WWOX: variants seen among roughly 807,000 people sequenced by gnomAD.
WWOX encodes WW domain containing oxidoreductase.
WWOX carries 69 observed loss-of-function variants against 46.2 expected under a neutral mutation model. The observed-to-expected ratio is 1.49, with a 90% confidence interval of 1.23 to 1.82. The LOEUF (loss-of-function observed/expected upper bound fraction) is 1.82, where lower values mean the gene tolerates loss of function less well. Among genes scored for constraint, WWOX ranks in the 40% most tolerant of loss-of-function variants. The pLI is 0.00. For synonymous variants in WWOX, 359 were observed against 202.6 expected, an observed-to-expected ratio of 1.77 and a Z score of -6.56; for missense variants, 919 against 542.6, an observed-to-expected ratio of 1.69 and a Z score of -6.89.
At chr16:78,372,125 C>T (rs2081705171) in intron 5 of WWOX, among the ~76,000 whole-genome samples, 1 of 152,186 alleles carries the variant, frequency 6.6e-6, no homozygotes, top group South Asian at 2.1e-4. Flanking sequence ...CAAACTAAGG[C>T]ACAGGGATTT....
chr16:78,794,341 T>C (rs770720404), intron 8 of WWOX, among the ~76,000 whole-genome samples: 1 of 152,140 alleles, frequency 6.6e-6, no homozygotes, highest in African/African-American at 2.4e-5. Context: ...CAGGAGTCTC[T>C]CTCGGTCTGT....
intron 8 of WWOX, among the ~76,000 whole-genome samples, chr16:79,127,964 C>G (rs1172100961): frequency 6.6e-6 from 1 of 152,262 alleles, no homozygotes; most frequent in Non-Finnish European, 1.5e-5. Context: ...ACGCAAAGGC[C>G]TGGTCTGATA....
At chr16:78,822,912 T>G (rs1419597672) in intron 8 of WWOX, among the ~76,000 whole-genome samples, 1 of 147,890 alleles carries the variant, frequency 6.8e-6, no homozygotes, top group African/African-American at 2.5e-5. Context: ...AGGGGCTTGA[T>G]AAAGCCAAAA....
At chr16:79,023,524 G>T (rs2047576695) in intron 8 of WWOX, among the ~76,000 whole-genome samples, 1 of 152,136 alleles carries the variant, frequency 6.6e-6, no homozygotes, top group African/African-American at 2.4e-5. Flanking sequence ...TCATAGTGGG[G>T]CGTCCTTTAA....
chr16:78,840,273 C>T (rs1037947543), intron 8 of WWOX, among the ~76,000 whole-genome samples: 1 of 152,166 alleles, frequency 6.6e-6, no homozygotes, highest in African/African-American at 2.4e-5. Context: ...AAATCCTGAA[C>T]CTCTCTGTGC....
chr16:79,164,471 T>C (rs561972853), intron 8 of WWOX, among the ~76,000 whole-genome samples: 8 of 151,674 alleles, frequency 5.3e-5, no homozygotes, highest in Non-Finnish European at 1.2e-4. Flanking sequence ...ATGAAGGATG[T>C]TCATTCAGGC....
chr16:79,184,398 C>G (rs1365541943), intron 8 of WWOX, among the ~76,000 whole-genome samples: 4 of 152,190 alleles, frequency 2.6e-5, no homozygotes, highest in Admixed American at 6.5e-5. Context: ...GGGCAGAGAC[C>G]TGGAATAATC....
intron 8 of WWOX, among the ~76,000 whole-genome samples, chr16:78,667,381 A>T (rs930937340): frequency 2.0e-5 from 3 of 152,210 alleles, no homozygotes; most frequent in African/African-American, 7.2e-5. Context: ...AGAAAATTAA[A>T]AATGATATGA....
intron 8 of WWOX, among the ~76,000 whole-genome samples, chr16:78,863,056 T>C (rs180756513): frequency 1.3e-5 from 2 of 151,558 alleles, no homozygotes; most frequent in Non-Finnish European, 2.9e-5. Context: ...CCTCCCAGGT[T>C]CAAGCGATTC....
chr16:78,478,130 A>G (rs182451012), intron 8 of WWOX, among the ~76,000 whole-genome samples: 16 of 152,344 alleles, frequency 1.1e-4, no homozygotes, highest in Non-Finnish European at 2.1e-4. Context: ...AGAATGAAAA[A>G]CACAGCAAGG....
chr16:78,839,440 T>A (rs1249077634), intron 8 of WWOX, among the ~76,000 whole-genome samples: 1 of 152,198 alleles, frequency 6.6e-6, no homozygotes, highest in Non-Finnish European at 1.5e-5. Context: ...AGCAACAAGA[T>A]CCCCTTTCTA....
At chr16:79,091,659 C>G (rs1019748699) in intron 8 of WWOX, among the ~76,000 whole-genome samples, 5 of 152,034 alleles carry the variant, frequency 3.3e-5, no homozygotes, top group Non-Finnish European at 7.4e-5. Flanking sequence ...CCTACTGACT[C>G]AAGGATATTC....
At chr16:78,352,726 T>C (rs1363065538) in intron 5 of WWOX, among the ~76,000 whole-genome samples, 3 of 152,196 alleles carry the variant, frequency 2.0e-5, no homozygotes, top group Admixed American at 6.5e-5. Flanking sequence ...CATGAACATA[T>C]TGGGGTAGAG....
intron 8 of WWOX, among the ~76,000 whole-genome samples, chr16:78,446,822 G>A (rs996149545): frequency 1.3e-5 from 2 of 151,348 alleles, no homozygotes; most frequent in Admixed American, 1.3e-4. Flanking sequence ...TACTACCCCC[G>A]GCAAACTTTT....
At chr16:78,125,486 C>G (rs1287208804) in intron 4 of WWOX, among the ~76,000 whole-genome samples, 1 of 152,134 alleles carries the variant, frequency 6.6e-6, no homozygotes, top group Non-Finnish European at 1.5e-5. Context: ...GCTCTGTGCC[C>G]GGTCAAGTGC....
chr16:78,167,954 A>T (rs899778774), intron 5 of WWOX: 4 of 151,420 alleles, frequency 2.6e-5, no homozygotes, highest in Non-Finnish European at 4.4e-5. Flanking sequence ...AATTTGATAG[A>T]CTCCAATTTT....
At chr16:78,890,914 T>C (rs1168109507) in intron 8 of WWOX, 1 of 152,194 alleles carries the variant, frequency 6.6e-6, no homozygotes, top group Non-Finnish European at 1.5e-5. Context: ...ATCAATCTCC[T>C]TTCATCAGGG....
chr16:78,925,592 G>A (rs2045479919), intron 8 of WWOX, among the ~76,000 whole-genome samples: 1 of 152,196 alleles, frequency 6.6e-6, no homozygotes, highest in African/African-American at 2.4e-5. Flanking sequence ...ATTACAGGGA[G>A]GAGATGCACA....
In WWOX at chr16:78,127,141, A is replaced by C. The variant is rs1016938325; in HGVS notation, c.409+11987A>C. Among the ~76,000 whole-genome samples, 4 of 152,144 alleles carry C rather than the reference A, an allele frequency of 2.6e-5. No individual in the cohort carries two copies. The South Asian group carries it at 6.2e-4, about 24-fold the overall frequency. On this transcript the variant is annotated intron_variant, in intron 4 of 8. Transcript: ENST00000566780. ...CCTATCTGTATGACCCGAGCAAGTT[A>C]CTTTCCTTCTCAGAACTCCTGTTCC...
Sources: allele counts gnomAD v4.1 joint callset (sites outside exome capture counted in the v4.1 genomes callset), GRCh38; gene constraint gnomAD v4.1.1; transcripts MANE v1.5; gene names NCBI Gene and HGNC (gene_info 2026-07-23, HGNC 2026-07-21).